Variants in METTL8 observed in about 807,000 individuals in gnomAD.
The protein encoded by METTL8 is tRNA N(3)-cytidine methyltransferase METTL8, mitochondrial.
Under a neutral mutation model 48.7 loss-of-function variants are expected in METTL8, and 32 were observed. The ratio of observed to expected loss-of-function variants is 0.66; its 90% CI spans 0.50 to 0.88. The LOEUF is 0.88. Among genes scored for constraint, METTL8 ranks in the 40% least tolerant of loss-of-function variants. The pLI, the probability that METTL8 is intolerant of heterozygous loss-of-function variation, is 0.00. For synonymous variants in METTL8, 136 were observed against 157.1 expected (o/e 0.87, Z 1.01); for missense variants, 464 against 474.4 (o/e 0.98, Z 0.20).
At chr2:171,404,294 A>C (rs1689961252) in intron 1 of METTL8, among the ~76,000 whole-genome samples, 1 of 151,834 alleles carries the variant, frequency 6.6e-6, no homozygotes, top group African/African-American at 2.4e-5. Context: ...AGTGAGGTGA[A>C]TGATGCAGGC....
At chr2:171,431,654 A>G (rs1465528057) in intron 1 of METTL8, among the ~76,000 whole-genome samples, 3 of 152,228 alleles carry the variant, frequency 2.0e-5, no homozygotes, top group Non-Finnish European at 4.4e-5. Flanking sequence ...GGTAGGAAGA[A>G]GAGAGTAACA....
chr2:171,360,881 GT>G, intron 2 of METTL8, among the ~76,000 whole-genome samples: 1 of 152,300 alleles, frequency 6.6e-6, no homozygotes, highest in South Asian at 2.1e-4. Flanking sequence ...ACATTCTTCA[GT>G]AGTTTTTAAA....
rs1278919372 is a variant in METTL8, at chr2:171,319,217, T to C, written c.*4955A>G. The C allele has an allele frequency of 6.6e-6, 1 of 152,180 alleles. No individual in the cohort carries two copies. The highest frequency in any genetic ancestry group is 1.5e-5 in the Non-Finnish European group (1 of 68,032). The allele number at this position is 152,180 out of a possible 1,614,324, so 9.4% of individuals were successfully genotyped here. On this transcript the variant is annotated 3_prime_UTR_variant, in exon 10 of 10. Coordinates refer to ENST00000375258, the MANE Select transcript of METTL8 (RefSeq NM_001321154.2). ...GATTAATAACAATACCTCACATATATTTAATGCTCTAGAATTGACAATGCA... is the reference window on the plus strand; with the variant it reads ...GATTAATAACAATACCTCACATATACTTAATGCTCTAGAATTGACAATGCA...
intron 1 of METTL8, among the ~76,000 whole-genome samples, chr2:171,398,462 A>G (rs1359931782): frequency 6.6e-6 from 1 of 152,126 alleles, no homozygotes; most frequent in African/African-American, 2.4e-5. Flanking sequence ...AGTCAAACCG[A>G]TAGAGACAGG....
intron 1 of METTL8, among the ~76,000 whole-genome samples, chr2:171,426,409 G>T (rs1251793977): frequency 6.6e-6 from 1 of 152,098 alleles, no homozygotes; most frequent in Admixed American, 6.5e-5. Flanking sequence ...AGGAAAGAGG[G>T]ATCTGGGAAC....
chr2:171,356,950 A>ATTTTTTTTTTTT (rs1202277226), intron 3 of METTL8, among the ~76,000 whole-genome samples: 1 of 4,742 alleles, frequency 2.1e-4, no homozygotes, highest in African/African-American at 3.0e-4. Context: ...TTCAAAGACA[A>ATTTTTTTTTTTT]TATTTTTTTT....
In METTL8 at chr2:171,330,659, C is replaced by A. The variant is rs751138034; in HGVS notation, c.760G>T (p.Val254Phe). ...AAGCCATCATCACATACATCATGAACAAAGGCAAAACACTGGGTTGCTCTG... is the reference window on the plus strand; with the variant it reads ...AAGCCATCATCACATACATCATGAAAAAAGGCAAAACACTGGGTTGCTCTG... Reference protein sequence around the residue: ...SYRATQCFAFVHDVCDDGLPY... With the variant: ...SYRATQCFAFFHDVCDDGLPY... Residue 254 changes from valine to phenylalanine, a missense_variant, in exon 7 of 10, where the codon GTT (valine) becomes TTT (phenylalanine). Val to Phe is a conservative substitution (Grantham distance 50). Transcript: ENST00000375258. 1 of 1,613,392 alleles carries A rather than the reference C, an allele frequency of 6.2e-7. No homozygotes were observed. The highest frequency in any genetic ancestry group is 8.5e-7 in the Non-Finnish European group (1 of 1,179,812).
chr2:171,340,858 A>C (rs922054307), intron 3 of METTL8, among the ~76,000 whole-genome samples: 1 of 152,002 alleles, frequency 6.6e-6, no homozygotes, highest in Non-Finnish European at 1.5e-5. Flanking sequence ...TCTTCCCCCA[A>C]CCTCCAAGGC....
intron 3 of METTL8, among the ~76,000 whole-genome samples, chr2:171,341,657 CT>C (rs1362974587): frequency 2.0e-5 from 3 of 151,884 alleles, no homozygotes; most frequent in Admixed American, 1.3e-4. Flanking sequence ...TTACTTTAAC[CT>C]ACTGTAGACG....
At chr2:171,382,898 C>A (rs958874329) in intron 2 of METTL8, among the ~76,000 whole-genome samples, 1 of 151,648 alleles carries the variant, frequency 6.6e-6, no homozygotes, top group African/African-American at 2.4e-5. Flanking sequence ...CATGATGAAA[C>A]CCCATCTCTA....
At chr2:171,376,298 C>T (rs548993084) in intron 2 of METTL8, among the ~76,000 whole-genome samples, 7 of 152,272 alleles carry the variant, frequency 4.6e-5, no homozygotes, top group South Asian at 2.1e-4. Flanking sequence ...ATCCTACCTG[C>T]TCTTCCAACC....
intron 1 of METTL8, among the ~76,000 whole-genome samples, chr2:171,393,460 C>T (rs538473972): frequency 1.4e-5 from 2 of 145,040 alleles, no homozygotes; most frequent in East Asian, 4.1e-4. Flanking sequence ...GGAGAATCAT[C>T]TGCTGATTAG....
At chr2:171,360,277 T>C (rs923401069) in intron 3 of METTL8, 145 bp downstream of exon 3, 1 of 640,784 alleles carries the variant, frequency 1.6e-6, no homozygotes, top group African/African-American at 1.8e-5. Context: ...TTGGTCCCAC[T>C]ACACTGGAAG....
intron 2 of METTL8, among the ~76,000 whole-genome samples, chr2:171,369,980 C>T (rs1180184819): frequency 4.6e-5 from 7 of 151,572 alleles, no homozygotes; most frequent in South Asian, 4.2e-4. Flanking sequence ...GTAGGAGAAT[C>T]GCTTGAACCT....
intron 1 of METTL8, among the ~76,000 whole-genome samples, chr2:171,406,796 A>G (rs147944400): frequency 1.3e-4 from 20 of 152,250 alleles, no homozygotes; most frequent in African/African-American, 4.8e-4. Flanking sequence ...GCCAACTATG[A>G]GGCAAGAAAA....
chr2:171,423,311 G>A (rs576069671), intron 1 of METTL8, among the ~76,000 whole-genome samples: 2 of 152,296 alleles, frequency 1.3e-5, no homozygotes, highest in South Asian at 4.1e-4. Context: ...CAGGAATGGG[G>A]TGCTGCTGTA....
chr2:171,334,115 A>G (rs2105405236), intron 5 of METTL8, among the ~76,000 whole-genome samples: 1 of 152,128 alleles, frequency 6.6e-6, no homozygotes, highest in East Asian at 1.9e-4. Context: ...ACAAAAACCA[A>G]AAAACTTCCA....
chr2:171,326,869 A>G (rs1202786632), intron 7 of METTL8: 1 of 152,154 alleles, frequency 6.6e-6, no homozygotes, highest in Admixed American at 6.5e-5. Context: ...TCGATGAATA[A>G]TTCTGCTTAA....
At chr2:171,398,283 A>G (rs1348018037) in intron 1 of METTL8, among the ~76,000 whole-genome samples, 2 of 152,244 alleles carry the variant, frequency 1.3e-5, no homozygotes, top group Non-Finnish European at 2.9e-5. Flanking sequence ...AATGTGATAC[A>G]TACATACATA....
Sources: allele counts gnomAD v4.1 joint callset (sites outside exome capture counted in the v4.1 genomes callset), GRCh38; gene constraint gnomAD v4.1.1; transcripts MANE v1.5; gene names NCBI Gene and HGNC (gene_info 2026-07-23, HGNC 2026-07-21).